Variants in SNX29 observed in about 807,000 individuals in gnomAD.
SNX29 encodes the protein sorting nexin-29.
A neutral mutation model predicts 102.1 loss-of-function variants in SNX29; 78 were observed. The observed-to-expected ratio is 0.76, with a 90% CI of 0.64 to 0.92. The LOEUF (loss-of-function observed/expected upper bound fraction) is 0.92. SNX29 is among the 40% of genes least tolerant of loss of function. The probability of loss-of-function intolerance (pLI) is 0.00; values close to 1 mark genes in which losing one functional copy is unlikely to be tolerated. For missense variants in SNX29, 1,280 were observed against 1,061.7 expected (o/e 1.21, Z -2.86); for synonymous variants, 580 against 414.5 (o/e 1.40, Z -4.85).
In SNX29 at chr16:12,568,512, C is replaced by T. The variant is rs1167202343; in HGVS notation, c.2325C>T (p.Ile775=). The part of the protein sequence containing the change: ...LIQLMPFFVD[I]TPPGEPVNSR... Reference sequence around the variant, plus strand: ...TCTCTCCCTGCTCTTTCAGCGACATCACCCCGCCCGGAGAGCCTGTGAACA... The same window carrying T: ...TCTCTCCCTGCTCTTTCAGCGACATTACCCCGCCCGGAGAGCCTGTGAACA... Residue 775 remains isoleucine, a synonymous_variant, in exon 21 of 21, where the codon ATC becomes ATT. Coordinates refer to ENST00000566228, the MANE Select transcript of SNX29 (RefSeq NM_032167.5). The T allele has an allele frequency of 1.9e-6, 3 of 1,609,774 alleles. No individual in the cohort carries two copies. Among genetic ancestry groups the T allele is most frequent in the East Asian group, 2.2e-5 (1 of 44,878 alleles).
At chr16:12,268,613 A>G (rs1413464069) in intron 14 of SNX29, among the ~76,000 whole-genome samples, 4 of 152,174 alleles carry the variant, frequency 2.6e-5, no homozygotes, top group Non-Finnish European at 5.9e-5. Flanking sequence ...AAGTGTCCCA[A>G]ATTTCCTAAG....
Position 12,129,676 on chromosome 16 carries a change from C to G in SNX29, c.1513C>G (p.Leu505Val). ...LDGEMEHSAA[L>V]RQEVDTLKRK... ...CGGTGAGATGGAGCACTCAGCCGCG[C>G]TCCGGCAAGAGGTGGACACCTTGAA... is the stretch of plus-strand genomic sequence containing the variant. Residue 505 changes from leucine (L) to valine (V), a missense_variant, in exon 13 of 21, where the codon CTC becomes GTC. Transcript: ENST00000566228. The G allele has an allele frequency of 6.2e-7, 1 of 1,611,348 alleles. No individual in the cohort carries two copies.
At chr16:12,253,823 G>A (rs914920696) in intron 14 of SNX29, among the ~76,000 whole-genome samples, 2 of 152,158 alleles carry the variant, frequency 1.3e-5, no homozygotes, top group African/African-American at 4.8e-5. Context: ...GCTGTGTGGA[G>A]ACTGGAGTGT....
chr16:12,075,671 G>C (rs979416999), intron 10 of SNX29, among the ~76,000 whole-genome samples: 1 of 152,192 alleles, frequency 6.6e-6, no homozygotes, highest in Non-Finnish European at 1.5e-5. Context: ...GCTGCGTGCT[G>C]GGAGAACTAC....
intron 18 of SNX29, among the ~76,000 whole-genome samples, chr16:12,430,512 C>G (rs2085266717): frequency 6.6e-6 from 1 of 152,190 alleles, no homozygotes; most frequent in African/African-American, 2.4e-5. Flanking sequence ...AGATCTATAG[C>G]CTTGGGCAAG....
In SNX29 at chr16:12,048,422, G is replaced by A; in HGVS notation, c.550G>A (p.Gly184Arg). Reference protein sequence around the residue: ...AINIDNKDLNGQSKFAPTVSD... With the variant: ...AINIDNKDLNRQSKFAPTVSD... ...TAACATCGACAACAAGGATTTGAAC[G>A]GGCAGAGTAAGTTTGCTCCCACCGT... The change falls in exon 7 of 21, where the codon GGG (glycine) becomes AGG (arginine). Residue 184 changes from glycine to arginine, a missense_variant. Gly to Arg is a moderately radical substitution (Grantham distance 125). Coordinates refer to ENST00000566228, the MANE Select transcript of SNX29 (RefSeq NM_032167.5). 6.2e-7 allele frequency: 1 copy of A among 1,613,682 alleles called. No homozygotes were observed. Among genetic ancestry groups the A allele is most frequent in the Non-Finnish European group, 8.5e-7 (1 of 1,179,820 alleles).
intron 13 of SNX29, among the ~76,000 whole-genome samples, chr16:12,195,235 T>C (rs2076744578): frequency 6.6e-6 from 1 of 152,266 alleles, no homozygotes; most frequent in Non-Finnish European, 1.5e-5. Flanking sequence ...TTGACAGTCC[T>C]ATAGCGTCCT....
At chr16:12,196,644 C>T (rs1177062756) in intron 13 of SNX29, among the ~76,000 whole-genome samples, 7 of 125,982 alleles carry the variant, frequency 5.6e-5, no homozygotes, top group Non-Finnish European at 8.1e-5. Context: ...TTTTTGGAGA[C>T]GGAGTCTCAC....
At chr16:12,481,242 C>T (rs1597545050) in intron 19 of SNX29, among the ~76,000 whole-genome samples, 2 of 152,068 alleles carry the variant, frequency 1.3e-5, no homozygotes, top group South Asian at 2.1e-4. Flanking sequence ...GATTTGTGGT[C>T]CTGCTCCCAC....
At chr16:12,474,376 C>T (rs2087494408) in intron 18 of SNX29, among the ~76,000 whole-genome samples, 1 of 152,090 alleles carries the variant, frequency 6.6e-6, no homozygotes, top group Admixed American at 6.5e-5. Context: ...GAGTTTGTAT[C>T]AGAGGTCCAG....
chr16:11,985,077 G>A (rs1489945471), intron 1 of SNX29, among the ~76,000 whole-genome samples: 1 of 151,712 alleles, frequency 6.6e-6, no homozygotes, highest in South Asian at 2.1e-4. Context: ...CATTAACATC[G>A]AAGAGTTTAT....
intron 13 of SNX29, chr16:12,135,813 A>G: frequency 2.7e-6 from 1 of 375,594 alleles, no homozygotes; most frequent in Non-Finnish European, 5.1e-6. Flanking sequence ...GTTATTAGAG[A>G]TTGGAGCACG....
rs778707682 is a variant in SNX29 at position 12,524,832 on chromosome 16, CCTT to C, written c.2314_2316del (p.Phe772del). 2.5e-6 allele frequency: 4 copies of C among 1,613,328 alleles called. No homozygotes were observed. The African/African-American group carries it at 5.3e-5, about 22-fold the overall frequency. ...AAGGAGACCCTCATCCAGCTGATGC[CCTT>C]CTTCGTGTAAGTACTGCTCCCACGG... is the stretch of plus-strand genomic sequence containing the variant. On this transcript the variant is annotated inframe_deletion, in exon 20 of 21. Transcript: ENST00000566228.
At chr16:11,997,627 G>T (rs2056130154) in intron 1 of SNX29, among the ~76,000 whole-genome samples, 1 of 151,982 alleles carries the variant, frequency 6.6e-6, no homozygotes, top group Admixed American at 6.6e-5. Flanking sequence ...ACAGGTGTGT[G>T]CCACCACGCC....
chr16:12,524,505 TA>T (rs1250536348), intron 19 of SNX29, among the ~76,000 whole-genome samples, 196 bp from the exon 20 acceptor site: 5 of 150,884 alleles, frequency 3.3e-5, no homozygotes, highest in African/African-American at 4.9e-5. Context: ...CTCCACTTAA[TA>T]ATAATATCGT....
intron 15 of SNX29, among the ~76,000 whole-genome samples, chr16:12,284,435 A>T (rs1376636101): frequency 1.3e-5 from 2 of 151,780 alleles, no homozygotes; most frequent in African/African-American, 2.4e-5. Flanking sequence ...CTCCATCCTG[A>T]CTTTCTTTGG....
chr16:12,340,052 C>T (rs933758346), intron 15 of SNX29, among the ~76,000 whole-genome samples: 1 of 152,222 alleles, frequency 6.6e-6, no homozygotes, highest in African/African-American at 2.4e-5. Flanking sequence ...GGTCTTTTAG[C>T]ATCAAATGAG....
chr16:12,497,955 T>C (rs1457048762), intron 19 of SNX29, among the ~76,000 whole-genome samples: 1 of 151,926 alleles, frequency 6.6e-6, no homozygotes, highest in African/African-American at 2.4e-5. Context: ...TCAGACAAGG[T>C]TGATTCCCCA....
At chr16:12,440,720 A>T (rs7195625) in intron 18 of SNX29, among the ~76,000 whole-genome samples, 70,905 of 151,914 alleles carry the variant, frequency 0.47, 17,061 homozygotes, top group African/African-American at 0.59. Context: ...TGTTAGTTTG[A>T]TAAGGATAAT....
Sources: gnomAD v4.1 joint callset for allele counts (sites outside exome capture counted in the v4.1 genomes callset) on GRCh38, gnomAD v4.1.1 for gene constraint, MANE v1.5 for transcripts, NCBI Gene and HGNC (gene_info 2026-07-23, HGNC 2026-07-21) for gene names.